The following ATP8A2 variants were observed in gnomAD, a reference collection of about 807,000 sequenced individuals.
ATP8A2 encodes phospholipid-transporting ATPase IB.
In ATP8A2, 100 loss-of-function variants were observed where a neutral mutation model predicts 165.6. The ratio of observed to expected loss-of-function variants is 0.60; its 90% confidence interval spans 0.51 to 0.71. The LOEUF is 0.71. ATP8A2 is among the 30% of genes least tolerant of loss of function. The pLI, the probability that ATP8A2 is intolerant of heterozygous loss-of-function variation, is 0.00. For missense variants in ATP8A2, 1,227 were observed against 1,479.5 expected, an observed-to-expected ratio of 0.83 and a Z score of 2.80; for synonymous variants, 543 against 548.8, an observed-to-expected ratio of 0.99 and a Z score of 0.15.
intron 25 of ATP8A2, among the ~76,000 whole-genome samples, chr13:25,721,585 C>T (rs1221214953): frequency 6.6e-6 from 1 of 152,178 alleles, no homozygotes; most frequent in African/African-American, 2.4e-5. Flanking sequence ...AAACAGGTAA[C>T]CTGGTACACT....
At chr13:25,479,793 G>C (rs964539369) in intron 2 of ATP8A2, among the ~76,000 whole-genome samples, 3 of 151,978 alleles carry the variant, frequency 2.0e-5, no homozygotes, top group African/African-American at 7.3e-5. Context: ...GTTTCAGAGA[G>C]CACAGGGTTG....
intron 24 of ATP8A2, among the ~76,000 whole-genome samples, chr13:25,676,558 C>T (rs916274979): frequency 6.6e-6 from 1 of 152,088 alleles, no homozygotes; most frequent in Middle Eastern, 3.2e-3. Context: ...CCCACACTAC[C>T]CAACCAGCTC....
intron 1 of ATP8A2, among the ~76,000 whole-genome samples, chr13:25,427,886 C>T (rs955381885): frequency 7.9e-5 from 12 of 151,810 alleles, no homozygotes; most frequent in African/African-American, 2.9e-4. Flanking sequence ...GAGTGAGTCT[C>T]TGTCTCAGAA....
chr13:25,606,724 A>G (rs2040526827), intron 24 of ATP8A2, among the ~76,000 whole-genome samples: 2 of 152,294 alleles, frequency 1.3e-5, no homozygotes, highest in East Asian at 1.9e-4. Context: ...CACATTTTCT[A>G]TAGAGGGTTA....
At chr13:25,450,630 C>A (rs2035194652) in intron 1 of ATP8A2, among the ~76,000 whole-genome samples, 1 of 152,132 alleles carries the variant, frequency 6.6e-6, no homozygotes, top group Non-Finnish European at 1.5e-5. Context: ...CTCCCGGGTT[C>A]ACGCCATTCT....
chr13:25,410,202 C>T (rs967571304), intron 1 of ATP8A2, among the ~76,000 whole-genome samples: 1 of 151,918 alleles, frequency 6.6e-6, no homozygotes, highest in South Asian at 2.1e-4. Context: ...GTAGACAGTC[C>T]GTAGTGGTTT....
chr13:25,410,042 CAG>C (rs1566111952), intron 1 of ATP8A2, among the ~76,000 whole-genome samples: 2 of 149,902 alleles, frequency 1.3e-5, no homozygotes, highest in Non-Finnish European at 3.0e-5. Flanking sequence ...CTAATGGGTT[CAG>C]CCATTAGGAG....
At chr13:25,600,270 ATTTC>A (rs556777889) in intron 24 of ATP8A2, among the ~76,000 whole-genome samples, 3 of 152,148 alleles carry the variant, frequency 2.0e-5, no homozygotes, top group Non-Finnish European at 4.4e-5. Flanking sequence ...GAAGGAGCAC[ATTTC>A]TTTCTTTGTC....
chr13:25,863,506 A>G (rs1355779785), intron 33 of ATP8A2: 2 of 152,292 alleles, frequency 1.3e-5, no homozygotes, highest in Admixed American at 1.3e-4. Flanking sequence ...CACAGAACCC[A>G]GGGTGGGATG....
At chr13:25,748,736 A>G (rs1219529236) in intron 25 of ATP8A2, among the ~76,000 whole-genome samples, 1 of 152,190 alleles carries the variant, frequency 6.6e-6, no homozygotes, top group African/African-American at 2.4e-5. Context: ...TGGAGAGTAA[A>G]CAGCGTTGCT....
intron 19 of ATP8A2, 59 bp downstream of exon 19, chr13:25,574,916 C>T: frequency 1.0e-6 from 1 of 970,954 alleles, no homozygotes; most frequent in Non-Finnish European, 1.6e-6. Flanking sequence ...CCAGCTTCAT[C>T]AGAGTGTTTA....
chr13:25,759,853 T>C (rs1257857334), intron 25 of ATP8A2, among the ~76,000 whole-genome samples: 2 of 152,182 alleles, frequency 1.3e-5, no homozygotes, highest in African/African-American at 4.8e-5. Context: ...CTTGCCCAGA[T>C]CTTAATACAT....
At chr13:25,675,665 C>G (rs1488748743) in intron 24 of ATP8A2, among the ~76,000 whole-genome samples, 1 of 152,034 alleles carries the variant, frequency 6.6e-6, no homozygotes, top group Non-Finnish European at 1.5e-5. Context: ...TCTGGAAGAT[C>G]TGGGCTTTAA....
At chr13:25,995,947 G>A (rs1009180063) in intron 35 of ATP8A2, among the ~76,000 whole-genome samples, 1 of 152,102 alleles carries the variant, frequency 6.6e-6, no homozygotes, top group Non-Finnish European at 1.5e-5. Context: ...CACATATTTT[G>A]CAGCTCTGTT....
chr13:25,585,826 C>T (rs1476539553), intron 23 of ATP8A2, among the ~76,000 whole-genome samples: 1 of 152,142 alleles, frequency 6.6e-6, no homozygotes, highest in Non-Finnish European at 1.5e-5. Context: ...TGCTGTTTTT[C>T]ACAGAAGATT....
intron 2 of ATP8A2, among the ~76,000 whole-genome samples, chr13:25,497,333 A>G (rs984201980): frequency 6.6e-6 from 1 of 152,166 alleles, no homozygotes; most frequent in African/African-American, 2.4e-5. Flanking sequence ...GTTTAATTTA[A>G]CCATTCAAAA....
intron 33 of ATP8A2, among the ~76,000 whole-genome samples, chr13:25,870,637 T>G (rs553559998): frequency 6.6e-6 from 1 of 152,328 alleles, no homozygotes; most frequent in South Asian, 2.1e-4. Context: ...ATCAGTCTCT[T>G]GACCAGGCAG....
intron 27 of ATP8A2, among the ~76,000 whole-genome samples, chr13:25,776,948 T>C (rs1191376557): frequency 2.6e-5 from 4 of 151,836 alleles, no homozygotes; most frequent in African/African-American, 9.7e-5. Flanking sequence ...TTCTTAGTCA[T>C]TTACACCTAC....
intron 2 of ATP8A2, among the ~76,000 whole-genome samples, chr13:25,480,553 A>C (rs57161888): frequency 0.64 from 91,200 of 143,084 alleles, 29,878 homozygotes; most frequent in Middle Eastern, 0.72. Context: ...ACATCTCAGA[A>C]GATGGGCGGC....
Sources: allele counts gnomAD v4.1 joint callset (sites outside exome capture counted in the v4.1 genomes callset), GRCh38; gene constraint gnomAD v4.1.1; transcripts MANE v1.5; gene names NCBI Gene and HGNC (gene_info 2026-07-23, HGNC 2026-07-21).